Variants in ARHGAP26 observed in about 807,000 individuals in gnomAD.
ARHGAP26 encodes rho GTPase-activating protein 26.
A neutral mutation model predicts 104.8 loss-of-function variants in ARHGAP26; 38 were observed. That is an observed-to-expected ratio of 0.36 (90% CI 0.28 to 0.48). ARHGAP26 has a LOEUF of 0.48. ARHGAP26 is among the 20% of genes least tolerant of loss of function. The pLI is 0.99. For synonymous variants in ARHGAP26, 341 were observed against 340.0 expected (o/e 1.00, Z -0.03); for missense variants, 704 against 947.9 (o/e 0.74, Z 3.38).
intron 1 of ARHGAP26, among the ~76,000 whole-genome samples, chr5:142,867,436 A>C (rs1754512864): frequency 6.6e-6 from 1 of 152,082 alleles, no homozygotes; most frequent in South Asian, 2.1e-4. Flanking sequence ...ACTAGGTTTA[A>C]ACTGCTACAT....
chr5:142,796,383 T>C (rs898811120), intron 1 of ARHGAP26, among the ~76,000 whole-genome samples: 7 of 152,164 alleles, frequency 4.6e-5, no homozygotes, highest in Admixed American at 2.6e-4. Context: ...AAATAAGGGG[T>C]TAGAGTAAAT....
chr5:142,808,272 AAAAATGT>A (rs1763409612), intron 1 of ARHGAP26, among the ~76,000 whole-genome samples: 1 of 130,796 alleles, frequency 7.6e-6, no homozygotes, highest in African/African-American at 3.3e-5. Context: ...AAAAAAAAAA[AAAAATGT>A]TGTATTTTAG....
At chr5:143,012,630 A>G (rs1263450151) in intron 11 of ARHGAP26, among the ~76,000 whole-genome samples, 1 of 126,710 alleles carries the variant, frequency 7.9e-6, no homozygotes, top group African/African-American at 2.8e-5. Flanking sequence ...TAATGACCAA[A>G]GAAGGGCTTG....
intron 11 of ARHGAP26, among the ~76,000 whole-genome samples, chr5:142,996,364 GT>G (rs200341917): frequency 0.023 from 3,554 of 152,206 alleles, 60 homozygotes; most frequent in Middle Eastern, 0.054. Flanking sequence ...TTGGTGGCAT[GT>G]GCCTGTAATC....
At chr5:142,845,286 C>T (rs982391315) in intron 1 of ARHGAP26, among the ~76,000 whole-genome samples, 1 of 152,130 alleles carries the variant, frequency 6.6e-6, no homozygotes, top group Non-Finnish European at 1.5e-5. Flanking sequence ...GGTTTGCATT[C>T]ATTATTTCTC....
chr5:143,161,915 A>C (rs570475639), intron 20 of ARHGAP26, among the ~76,000 whole-genome samples: 1 of 152,308 alleles, frequency 6.6e-6, no homozygotes, highest in Non-Finnish European at 1.5e-5. Flanking sequence ...ACCTTCAAAA[A>C]CTTAAGTAGG....
chr5:142,832,704 G>A (rs573060538), intron 1 of ARHGAP26, among the ~76,000 whole-genome samples: 30 of 152,290 alleles, frequency 2.0e-4, no homozygotes, highest in Admixed American at 1.6e-3. Context: ...AAATGTAAGA[G>A]CAAGACACTG....
At chr5:143,130,519 G>T (rs1797204725) in intron 18 of ARHGAP26, among the ~76,000 whole-genome samples, 1 of 152,190 alleles carries the variant, frequency 6.6e-6, no homozygotes, top group South Asian at 2.1e-4. Flanking sequence ...TGGCTCATAG[G>T]TTATATGAGC....
At chr5:143,168,405 G>A (rs1452336573) in intron 20 of ARHGAP26, 1 of 128,190 alleles carries the variant, frequency 7.8e-6, no homozygotes, top group Non-Finnish European at 1.6e-5. Context: ...TTTCATCACA[G>A]CTTTGCTTCA....
chr5:142,850,959 C>G (rs1334387855), intron 1 of ARHGAP26, among the ~76,000 whole-genome samples: 1 of 152,104 alleles, frequency 6.6e-6, no homozygotes, highest in Admixed American at 6.5e-5. Context: ...GTCAACCAGG[C>G]CACAGGAAGA....
chr5:143,101,202 G>A (rs1234601797), intron 17 of ARHGAP26, among the ~76,000 whole-genome samples: 1 of 152,216 alleles, frequency 6.6e-6, no homozygotes, highest in Non-Finnish European at 1.5e-5. Context: ...TTGGATCATT[G>A]CAAGAGAGTT....
At position 143,045,024 on chromosome 5, in the gene ARHGAP26, A is replaced by G. The variant is rs58766330; in HGVS notation, c.1285+3134A>G. 2.7e-3 allele frequency among the ~76,000 whole-genome samples: 410 copies of G among 152,344 alleles called. 1 individual carries two copies. Among genetic ancestry groups the G allele is most frequent in the African/African-American group, 9.3e-3 (387 of 41,582 alleles). On this transcript the variant is annotated intron_variant, in intron 14 of 22. Coordinates refer to ENST00000645722, the MANE Select transcript of ARHGAP26 (RefSeq NM_001135608.3). ...TGACACTAATGAAAAGAAATATGAC[A>G]TTTTAGACTGGTTTGCTAATCTAAA... is the stretch of plus-strand genomic sequence containing the variant.
At chr5:142,778,283 T>G (rs918425883) in intron 1 of ARHGAP26, among the ~76,000 whole-genome samples, 1 of 152,208 alleles carries the variant, frequency 6.6e-6, no homozygotes, top group Non-Finnish European at 1.5e-5. Context: ...GACCTAATCT[T>G]ATAATGCAAA....
chr5:142,990,564 C>A (rs1367745305), intron 11 of ARHGAP26, among the ~76,000 whole-genome samples: 1 of 152,200 alleles, frequency 6.6e-6, no homozygotes, highest in Non-Finnish European at 1.5e-5. Context: ...TTCAGCTTTT[C>A]TGCTCTGGTT....
chr5:142,925,648 T>C (rs888643986), intron 10 of ARHGAP26, among the ~76,000 whole-genome samples: 4 of 152,338 alleles, frequency 2.6e-5, no homozygotes, highest in Admixed American at 2.0e-4. Context: ...AAAACTCTTC[T>C]TGCAAGTGGA....
intron 11 of ARHGAP26, among the ~76,000 whole-genome samples, chr5:142,964,001 A>T (rs935265170): frequency 6.6e-6 from 1 of 152,218 alleles, no homozygotes; most frequent in African/African-American, 2.4e-5. Flanking sequence ...GGACATAAGG[A>T]TCAATGGGAA....
intron 14 of ARHGAP26, among the ~76,000 whole-genome samples, chr5:143,046,000 G>C (rs1598782959): frequency 6.6e-6 from 1 of 152,180 alleles, no homozygotes; most frequent in African/African-American, 2.4e-5. Context: ...CAGGTGTGGT[G>C]GTGCACACCT....
intron 20 of ARHGAP26, among the ~76,000 whole-genome samples, chr5:143,184,940 A>G (rs191253981): frequency 1.1e-4 from 17 of 152,338 alleles, no homozygotes; most frequent in Non-Finnish European, 1.6e-4. Flanking sequence ...TGACTCAGCC[A>G]CTGCACCCCT....
In ARHGAP26 at chr5:143,207,085, C is replaced by T. The variant is rs538934087; in HGVS notation, c.1989-113C>T. On this transcript the variant is annotated intron_variant, in intron 20 of 22. Transcript: ENST00000645722. ...GCCCTGACAGCACATCCCTGGGTTT[C>T]GGTGCTCCTCTGCTCTGCCCAGCTT... The T allele has an allele frequency of 6.4e-5, 84 of 1,307,616 alleles. No homozygotes were observed. The East Asian group carries it at 1.3e-3, about 21-fold the overall frequency. 81.0% of individuals were successfully genotyped at this position (1,307,616 alleles called of 1,614,324 possible).
Sources: allele counts gnomAD v4.1 joint callset (sites outside exome capture counted in the v4.1 genomes callset), GRCh38; gene constraint gnomAD v4.1.1; transcripts MANE v1.5; gene names NCBI Gene and HGNC (gene_info 2026-07-23, HGNC 2026-07-21).